RELN: variants seen among roughly 807,000 people sequenced by gnomAD.
RELN encodes the protein reelin.
RELN carries 108 observed loss-of-function variants against 427.6 expected under a neutral mutation model. The observed-to-expected ratio is 0.25, with a 90% CI of 0.22 to 0.30. The LOEUF is 0.30. Among genes scored for constraint, RELN ranks in the 10% least tolerant of loss-of-function variants. The probability of loss-of-function intolerance (pLI) is 1.00; values close to 1 mark genes in which losing one functional copy is unlikely to be tolerated. For missense variants in RELN, 3,715 were observed against 4,302.8 expected, an observed-to-expected ratio of 0.86 and a Z score of 3.82; for synonymous variants, 1,524 against 1,513.4, an observed-to-expected ratio of 1.01 and a Z score of -0.16.
At chr7:103,544,950 T>C (rs945390270) in intron 42 of RELN, among the ~76,000 whole-genome samples, 174 bp downstream of exon 42, 1 of 152,240 alleles carries the variant, frequency 6.6e-6, no homozygotes, top group African/African-American at 2.4e-5. Context: ...TCACTGACCA[T>C]TGTTTCCAAA....
intron 6 of RELN, among the ~76,000 whole-genome samples, chr7:103,740,069 A>G (rs1054994281): frequency 3.3e-5 from 5 of 152,190 alleles, no homozygotes; most frequent in African/African-American, 1.2e-4. Context: ...TGGGGACCAG[A>G]GGTGCATCCT....
At chr7:103,848,593 C>T (rs1793737592) in intron 2 of RELN, among the ~76,000 whole-genome samples, 1 of 152,150 alleles carries the variant, frequency 6.6e-6, no homozygotes, top group African/African-American at 2.4e-5. Flanking sequence ...CCCCAGGTCA[C>T]ATTGCACTCT....
intron 2 of RELN, among the ~76,000 whole-genome samples, chr7:103,893,473 T>C (rs1050570348): frequency 6.6e-6 from 1 of 152,208 alleles, no homozygotes; most frequent in African/African-American, 2.4e-5. Context: ...CATTCCAATG[T>C]TTCCTTAGCC....
rs1341037232 is a variant in RELN at position 103,545,162 on chromosome 7, C to A, written c.6485G>T (p.Ser2162Ile). The stretch of plus-strand genomic sequence containing the variant: ...TTTGAGAAAATCAGGATTTTTGGTG[C>A]TTATTTTACAGGTTGGACCTGAGTA... ...PGYSGPTCKISTKNPDFLKDD... is the reference protein window; with the variant it reads ...PGYSGPTCKIITKNPDFLKDD... The change falls in exon 42 of 65, where the codon AGC becomes ATC. Residue 2162 changes from serine to isoleucine, a missense_variant. This residue lies in a region of RELN where 1,310 missense variants were observed against 1,643.0 expected (regional missense o/e 0.80). Transcript: ENST00000428762. 1 of 1,613,884 alleles carries A rather than the reference C, an allele frequency of 6.2e-7. No homozygotes were observed. The highest frequency in any genetic ancestry group is 1.3e-5 in the African/African-American group (1 of 74,922).
intron 1 of RELN, among the ~76,000 whole-genome samples, chr7:103,959,036 G>C (rs1207867520): frequency 6.6e-6 from 1 of 152,192 alleles, no homozygotes; most frequent in African/African-American, 2.4e-5. Flanking sequence ...CTGCCTTCCA[G>C]GTTCAAGGCG....
chr7:103,816,233 G>A (rs1386993920), intron 3 of RELN, among the ~76,000 whole-genome samples: 1 of 152,186 alleles, frequency 6.6e-6, no homozygotes, highest in East Asian at 1.9e-4. Context: ...ACAAAAATTG[G>A]CTGGGCATGC....
intron 45 of RELN, among the ~76,000 whole-genome samples, chr7:103,536,928 T>C (rs1237615200): frequency 6.6e-6 from 1 of 152,228 alleles, no homozygotes; most frequent in African/African-American, 2.4e-5. Flanking sequence ...CAGTTCCAGC[T>C]TTCTATACTG....
chr7:103,684,213 G>T (rs898165686), intron 10 of RELN, among the ~76,000 whole-genome samples: 2 of 151,976 alleles, frequency 1.3e-5, no homozygotes, highest in Non-Finnish European at 2.9e-5. Context: ...GGCCATATTA[G>T]GGTTCTCATT....
intron 28 of RELN, among the ~76,000 whole-genome samples, chr7:103,588,952 G>C (rs1831343853): frequency 6.9e-6 from 1 of 145,456 alleles, no homozygotes; most frequent in South Asian, 2.3e-4. Flanking sequence ...GACTTTTAGA[G>C]TTATAATTTG....
At chr7:103,700,789 T>C (rs1834073387) in intron 9 of RELN, 121 bp downstream of exon 9, 2 of 733,366 alleles carry the variant, frequency 2.7e-6, no homozygotes, top group African/African-American at 1.7e-5. Flanking sequence ...GAATTCAACA[T>C]AATTAACAAC....
chr7:103,604,506 C>T, intron 22 of RELN, 23 bp from the exon 23 acceptor site: 2 of 1,613,572 alleles, frequency 1.2e-6, no homozygotes, highest in Non-Finnish European at 1.7e-6. Flanking sequence ...TATAGTATAA[C>T]AAAAACGGTT....
chr7:103,769,902 T>C (rs1021318247), intron 4 of RELN, among the ~76,000 whole-genome samples: 2 of 152,206 alleles, frequency 1.3e-5, no homozygotes, highest in African/African-American at 2.4e-5. Flanking sequence ...GAGCGACTGC[T>C]GTTTCTTTAT....
intron 2 of RELN, among the ~76,000 whole-genome samples, chr7:103,907,754 C>T (rs1169778919): frequency 6.8e-6 from 1 of 146,096 alleles, no homozygotes; most frequent in East Asian, 2.0e-4. Flanking sequence ...GATATGATGT[C>T]AGAAAGCCTG....
intron 57 of RELN, among the ~76,000 whole-genome samples, chr7:103,494,369 G>A (rs552278515): frequency 4.0e-5 from 6 of 150,934 alleles, no homozygotes; most frequent in African/African-American, 9.8e-5. Context: ...TGACTTTTGT[G>A]TGTGTGTGTG....
At chr7:103,853,467 CT>C (rs1354043357) in intron 2 of RELN, among the ~76,000 whole-genome samples, 1 of 151,788 alleles carries the variant, frequency 6.6e-6, no homozygotes, top group East Asian at 1.9e-4. Flanking sequence ...TTCTTTTAGG[CT>C]TTATGTAGAA....
chr7:103,647,484 A>C (rs1311052189), intron 16 of RELN, among the ~76,000 whole-genome samples: 1 of 151,382 alleles, frequency 6.6e-6, no homozygotes, highest in Non-Finnish European at 1.5e-5. Context: ...CTAGGAATAC[A>C]TTTACCCAAG....
chr7:103,915,936 A>T (rs1795473014), intron 2 of RELN, among the ~76,000 whole-genome samples: 1 of 152,208 alleles, frequency 6.6e-6, no homozygotes, highest in Admixed American at 6.5e-5. Context: ...AATAAGTGGA[A>T]TTTGTAGATC....
intron 3 of RELN, among the ~76,000 whole-genome samples, chr7:103,780,981 CAT>C (rs1361177623): frequency 3.3e-5 from 5 of 152,216 alleles, no homozygotes; most frequent in African/African-American, 1.2e-4. Context: ...CCAATACACA[CAT>C]GTGTGCTGAC....
intron 3 of RELN, among the ~76,000 whole-genome samples, chr7:103,784,722 T>C (rs1025993667): frequency 1.8e-4 from 27 of 152,188 alleles, no homozygotes; most frequent in African/African-American, 6.0e-4. Context: ...CTTTAGGTGC[T>C]CACATTTCTT....
Sources: allele counts gnomAD v4.1 joint callset (sites outside exome capture counted in the v4.1 genomes callset), GRCh38; gene constraint gnomAD v4.1.1; regional missense constraint gnomAD v4.1.1; transcripts MANE v1.5; gene names NCBI Gene and HGNC (gene_info 2026-07-23, HGNC 2026-07-21).